The following CNDP1 variants were observed in gnomAD, a reference collection of about 807,000 sequenced individuals.
CNDP1 encodes the protein carnosine dipeptidase 1.
In CNDP1, 44 loss-of-function variants were observed where a neutral mutation model predicts 58.1. That is an observed-to-expected ratio of 0.76 (90% CI 0.60 to 0.97). The LOEUF (loss-of-function observed/expected upper bound fraction) is 0.97. Ranked by LOEUF, CNDP1 falls within the 50% of genes least tolerant of loss-of-function variation. The pLI is 0.00. For synonymous variants in CNDP1, 254 were observed against 252.6 expected (o/e 1.01, Z -0.05); for missense variants, 616 against 655.1 (o/e 0.94, Z 0.65).
rs140373386 is a variant in CNDP1, at chr18:74,580,261, G to A, written c.1299G>A (p.Ala433=). The A allele has an allele frequency of 2.7e-5, 43 of 1,614,112 alleles. No individual in the cohort carries two copies. The highest frequency in any genetic ancestry group is 1.1e-4 in the South Asian group (10 of 91,068). ...CCCAGTATCTCGCAGCAAAAAGAGC[G>A]ATCAGAACAGGTGGGACCTTAAGAT... is the stretch of plus-strand genomic sequence containing the variant. ...DDTQYLAAKR[A]IRTVFGTEPD... is the part of the protein sequence containing the mutation. The change falls in exon 10 of 12, where the codon GCG becomes GCA. Residue 433 remains alanine, a synonymous_variant. Coordinates refer to ENST00000358821, the MANE Select transcript of CNDP1 (RefSeq NM_032649.6).
In CNDP1 at chr18:74,585,522, A is replaced by T. The variant is rs1045422310; in HGVS notation, c.*960A>T. On this transcript the variant is annotated 3_prime_UTR_variant, in exon 12 of 12. Coordinates refer to ENST00000358821, the MANE Select transcript of CNDP1 (RefSeq NM_032649.6). ...CTGCATTCATTAATCATTTTAGTTA[A>T]CCATCATGTTTGGCTTGATTGGATT... 1 of 151,822 alleles carries T rather than the reference A, an allele frequency of 6.6e-6. No homozygotes were observed. Among genetic ancestry groups the T allele is most frequent in the Non-Finnish European group, 1.5e-5 (1 of 67,978 alleles). 9.4% of individuals were successfully genotyped at this position (151,822 alleles called of 1,614,324 possible).
rs375248276 is a variant in CNDP1, at chr18:74,566,307, C to T, written c.556-926C>T. 3.9e-5 allele frequency among the ~76,000 whole-genome samples: 6 copies of T among 152,354 alleles called. No individual in the cohort carries two copies. In the South Asian group the frequency reaches 1.0e-3, roughly 26 times the overall value. ...TTGGGGATTAACATTAGGCTCCTTA[C>T]TACTTATGCAAATTTCTGCAGCTGG... On this transcript the variant is annotated intron_variant, in intron 5 of 11. Transcript: ENST00000358821.
At chr18:74,571,393 AT>A (rs1409837034) in intron 7 of CNDP1, 123 bp downstream of exon 7, 2 of 654,102 alleles carry the variant, frequency 3.1e-6, no homozygotes, top group Admixed American at 5.2e-5. Context: ...AGATGCTTAG[AT>A]TTTCCTCCCC....
At chr18:74,583,137 G>T (rs1981828269) in intron 10 of CNDP1, among the ~76,000 whole-genome samples, 1 of 152,242 alleles carries the variant, frequency 6.6e-6, no homozygotes, top group East Asian at 1.9e-4. Context: ...CTCCTGAGTA[G>T]CTGGGATTAC....
rs73971290 is a variant in CNDP1 at position 74,562,490 on chromosome 18, C to G, written c.555+355C>G. On this transcript the variant is annotated intron_variant, in intron 5 of 11. Coordinates refer to ENST00000358821, the MANE Select transcript of CNDP1 (RefSeq NM_032649.6). The stretch of plus-strand genomic sequence containing the variant: ...TTTTTTTCTTTAATCCTTATTTTAT[C>G]TTATCTTGTCTTTTTAAGCCTTCTT... 2.8e-3 allele frequency among the ~76,000 whole-genome samples: 427 copies of G among 152,284 alleles called. 2 individuals carry two copies. Among genetic ancestry groups the G allele is most frequent in the African/African-American group, 1.0e-2 (414 of 41,568 alleles).
rs374943117 is a variant in CNDP1, at chr18:74,545,249, C to T, written c.24+10558C>T. Among the ~76,000 whole-genome samples the T allele has an allele frequency of 3.9e-5, 6 of 152,212 alleles. No homozygotes were observed. The highest frequency in any genetic ancestry group is 6.5e-5 in the Admixed American group (1 of 15,284). On this transcript the variant is annotated intron_variant, in intron 1 of 11. Coordinates refer to ENST00000358821, the MANE Select transcript of CNDP1 (RefSeq NM_032649.6). The surrounding 1 kb of genome is among the most constrained non-coding windows in gnomAD (Gnocchi z 4.1). ...CCTCTCCTCGAATCTGCCTTGTTCT[C>T]GACTTTACATTTGTTGGACTTTTGT...
At chr18:74,566,736 CTTCTTCTGAGCCCTTCAGACTG>C (rs1483478969) in intron 5 of CNDP1, among the ~76,000 whole-genome samples, 1 of 152,214 alleles carries the variant, frequency 6.6e-6, no homozygotes, top group African/African-American at 2.4e-5. Context: ...ATTTTTGTGT[CTTCTTCTGAGCCCTTCAGACTG>C]TTCCAGTCTC....
intron 1 of CNDP1, among the ~76,000 whole-genome samples, chr18:74,546,971 T>C (rs994963713): frequency 6.6e-6 from 1 of 152,178 alleles, no homozygotes; most frequent in Non-Finnish European, 1.5e-5. Context: ...TGAGACTTTC[T>C]GGGGAATTTT....
At chr18:74,556,268 A>G in intron 1 of CNDP1, 70 bp from the exon 2 acceptor site, 2 of 1,549,236 alleles carry the variant, frequency 1.3e-6, no homozygotes, top group Non-Finnish European at 1.7e-6. Flanking sequence ...TTCTTGAGGA[A>G]TTTGGAAGGT....
At position 74,556,374 on chromosome 18, in the gene CNDP1, G is replaced by GC; in HGVS notation, c.61_62insC (p.Glu21AlafsTer23). The GC allele has an allele frequency of 7.1e-7, 1 of 1,412,870 alleles. No homozygotes were observed. The highest frequency in any genetic ancestry group is 9.9e-7 in the Non-Finnish European group (1 of 1,013,678). The allele number at this position is 1,412,870 out of a possible 1,614,324, so 87.5% of individuals were successfully genotyped here. ...GCTGGCTGTGCTGCTGCTGCTGCTG[G>GC]AGCGCGGCATGTTCTCCTCACCCTC... On this transcript the variant is annotated frameshift_variant, in exon 2 of 12. Coordinates refer to ENST00000358821, the MANE Select transcript of CNDP1 (RefSeq NM_032649.6). LOFTEE classifies it high-confidence loss of function.
chr18:74,556,401 C>T lies in CNDP1; in HGVS notation c.88C>T (p.Pro30Ser), dbSNP rs761218217. The T allele has an allele frequency of 8.7e-6, 14 of 1,614,186 alleles. No individual in the cohort carries two copies. Among genetic ancestry groups the T allele is most frequent in the Non-Finnish European group, 1.1e-5 (13 of 1,180,002 alleles). ...GCGCGGCATGTTCTCCTCACCCTCC[C>T]CGCCCCCGGCGCTGTTAGAGAAAGT... ...LERGMFSSPSPPPALLEKVFQ... is the reference protein window; with the variant it reads ...LERGMFSSPSSPPALLEKVFQ... Residue 30 changes from proline to serine, a missense_variant, in exon 2 of 12, where the codon CCG (proline) becomes TCG (serine). Transcript: ENST00000358821.
intron 1 of CNDP1, among the ~76,000 whole-genome samples, chr18:74,547,813 T>C (rs1287460323): frequency 6.6e-6 from 1 of 152,196 alleles, no homozygotes; most frequent in Non-Finnish European, 1.5e-5. Flanking sequence ...GTTGTGATGG[T>C]AACACAGCAG....
At chr18:74,570,238 T>C (rs950671945) in intron 6 of CNDP1, among the ~76,000 whole-genome samples, 1 of 71,172 alleles carries the variant, frequency 1.4e-5, no homozygotes, top group African/African-American at 8.1e-5. Flanking sequence ...TAATAATAAA[T>C]AATTAAAAAA....
At chr18:74,570,073 C>T (rs1329361129) in intron 6 of CNDP1, among the ~76,000 whole-genome samples, 4 of 149,682 alleles carry the variant, frequency 2.7e-5, no homozygotes, top group Non-Finnish European at 1.5e-5. Flanking sequence ...GTGGCGTGCA[C>T]CTGTAGTCCC....
At chr18:74,556,169 A>C (rs1981031626) in intron 1 of CNDP1, among the ~76,000 whole-genome samples, 169 bp from the exon 2 acceptor site, 1 of 152,236 alleles carries the variant, frequency 6.6e-6, no homozygotes, top group Non-Finnish European at 1.5e-5. Context: ...TGTTTGGGGA[A>C]GGACGTAGCA....
chr18:74,557,551 C>A (rs1176775360), intron 2 of CNDP1, among the ~76,000 whole-genome samples: 4 of 152,062 alleles, frequency 2.6e-5, no homozygotes, highest in Admixed American at 6.6e-5. Flanking sequence ...CACCCCCACT[C>A]TCCTAGGCTC....
chr18:74,550,404 G>A (rs1980871072), intron 1 of CNDP1, among the ~76,000 whole-genome samples: 1 of 152,130 alleles, frequency 6.6e-6, no homozygotes, highest in Non-Finnish European at 1.5e-5. Flanking sequence ...TTTGGAGTGG[G>A]AACATTTACC....
In CNDP1 at chr18:74,575,301, T is replaced by C. The variant is rs371921761; in HGVS notation, c.842-1568T>C. On this transcript the variant is annotated intron_variant, in intron 7 of 11. Transcript: ENST00000358821. The stretch of plus-strand genomic sequence containing the variant: ...AGAACAGAGGCCTGGATCGTTTTAC[T>C]AGTGAGGTACAGTGCGTGCTTAGAA... Among the ~76,000 whole-genome samples the C allele has an allele frequency of 3.3e-5, 5 of 152,340 alleles. No homozygotes were observed. In the East Asian group the frequency reaches 5.8e-4, roughly 18 times the overall value.
At chr18:74,548,207 A>C (rs1268288582) in intron 1 of CNDP1, among the ~76,000 whole-genome samples, 1 of 152,162 alleles carries the variant, frequency 6.6e-6, no homozygotes, top group Non-Finnish European at 1.5e-5. Context: ...GTCCCTGCCA[A>C]ATCTCATGTT....
Sources: gnomAD v4.1 joint callset for allele counts (sites outside exome capture counted in the v4.1 genomes callset) on GRCh38, gnomAD v4.1.1 for gene constraint, Gnocchi (gnomAD v3.1) non-coding constraint, MANE v1.5 for transcripts, NCBI Gene and HGNC (gene_info 2026-07-23, HGNC 2026-07-21) for gene names.